Variants in IL20RA observed in about 807,000 individuals in gnomAD.
IL20RA encodes interleukin 20 receptor subunit alpha, also known as interleukin-20 receptor subunit alpha.
Under a neutral mutation model 36.5 loss-of-function variants are expected in IL20RA, and 29 were observed. That is an observed-to-expected ratio of 0.79 (90% CI 0.59 to 1.08). IL20RA has a LOEUF of 1.08. IL20RA is among the 50% of genes least tolerant of loss of function. The pLI is 0.00. For synonymous variants in IL20RA, 279 were observed against 267.1 expected, an observed-to-expected ratio of 1.04 and a Z score of -0.43; for missense variants, 652 against 668.4, an observed-to-expected ratio of 0.98 and a Z score of 0.27.
chr6:137,034,908 G>T (rs1395581790), intron 1 of IL20RA, among the ~76,000 whole-genome samples: 3 of 149,390 alleles, frequency 2.0e-5, no homozygotes, highest in Non-Finnish European at 4.4e-5. Flanking sequence ...TTGTGCCACT[G>T]CACTCCAGCC....
intron 1 of IL20RA, among the ~76,000 whole-genome samples, chr6:137,020,889 TCA>T (rs1436808106): frequency 6.6e-6 from 1 of 152,200 alleles, no homozygotes; most frequent in African/African-American, 2.4e-5. Flanking sequence ...AGAAAATGTT[TCA>T]GTTTTGGATC....
intron 5 of IL20RA, among the ~76,000 whole-genome samples, chr6:137,007,491 G>A (rs1775319969): frequency 6.6e-6 from 1 of 152,206 alleles, no homozygotes; most frequent in Admixed American, 6.6e-5. Flanking sequence ...CTCTAGACCA[G>A]CTGTTTGGAA....
In IL20RA at chr6:137,043,788, T is replaced by A. The variant is rs556272232; in HGVS notation, c.88+853A>T. On this transcript the variant is annotated intron_variant, in intron 1 of 6. Coordinates refer to ENST00000316649, the MANE Select transcript of IL20RA (RefSeq NM_014432.4). ...TTTGGAGAAGCTTTGTTGTTGTTTT[T>A]TAAAATAATTTTTTTAAAAAGGGAT... 3.3e-5 allele frequency among the ~76,000 whole-genome samples: 5 copies of A among 152,330 alleles called. No individual in the cohort carries two copies. The South Asian group carries it at 1.0e-3, about 32-fold the overall frequency.
intron 1 of IL20RA, among the ~76,000 whole-genome samples, chr6:137,036,963 T>G (rs892065623): frequency 6.6e-6 from 1 of 151,906 alleles, no homozygotes; most frequent in Non-Finnish European, 1.5e-5. Flanking sequence ...CCCTGCAAAG[T>G]TGGTAAGGAG....
intron 1 of IL20RA, among the ~76,000 whole-genome samples, chr6:137,020,322 A>T (rs1242009701): frequency 1.3e-5 from 2 of 152,238 alleles, no homozygotes; most frequent in African/African-American, 4.8e-5. Context: ...ACCTTCAGCC[A>T]AAACCACTTG....
chr6:137,007,022 C>T (rs546105315), intron 5 of IL20RA, among the ~76,000 whole-genome samples: 1 of 152,262 alleles, frequency 6.6e-6, no homozygotes, highest in South Asian at 2.1e-4. Flanking sequence ...TTGCACTTGG[C>T]CACTTTTTTC....
rs1775419834 is a variant in IL20RA, at chr6:137,009,843, A to G, written c.404-351T>C. Reference sequence around the variant, plus strand: ...CTTGTCTCGAACTCCTGATCCTGTGATCCGTCCACCTCGGCCTCCCAAAGT... The same window carrying G: ...CTTGTCTCGAACTCCTGATCCTGTGGTCCGTCCACCTCGGCCTCCCAAAGT... On this transcript the variant is annotated intron_variant, in intron 3 of 6. Coordinates refer to ENST00000316649, the MANE Select transcript of IL20RA (RefSeq NM_014432.4). 2.0e-5 allele frequency among the ~76,000 whole-genome samples: 3 copies of G among 151,972 alleles called. No individual in the cohort carries two copies. In the South Asian group the frequency reaches 6.2e-4, roughly 32 times the overall value.
chr6:137,038,703 C>T (rs975800829), intron 1 of IL20RA, among the ~76,000 whole-genome samples: 2 of 152,012 alleles, frequency 1.3e-5, no homozygotes, highest in African/African-American at 4.8e-5. Flanking sequence ...ATATATGCTG[C>T]CTGAAGCCTC....
intron 1 of IL20RA, among the ~76,000 whole-genome samples, chr6:137,042,001 C>G (rs988372087): frequency 2.6e-5 from 4 of 152,084 alleles, no homozygotes; most frequent in Non-Finnish European, 5.9e-5. Flanking sequence ...TGTGATGTTC[C>G]CCTCCCTGTG....
intron 1 of IL20RA, chr6:137,044,287 G>T: frequency 9.9e-7 from 1 of 1,005,966 alleles, no homozygotes; most frequent in Non-Finnish European, 1.2e-6. Context: ...CCGGCGAGGG[G>T]CCCCGCATGG....
chr6:137,021,544 T>C (rs1775907364), intron 1 of IL20RA, among the ~76,000 whole-genome samples: 1 of 147,658 alleles, frequency 6.8e-6, no homozygotes, highest in Non-Finnish European at 1.5e-5. Context: ...GCCGGCATGG[T>C]GGTGGGCACC....
intron 1 of IL20RA, among the ~76,000 whole-genome samples, chr6:137,041,359 T>G (rs1582844769): frequency 6.6e-6 from 1 of 152,240 alleles, no homozygotes; most frequent in Non-Finnish European, 1.5e-5. Context: ...AGTGTTAATT[T>G]CCTGGTCTGA....
intron 1 of IL20RA, 145 bp downstream of exon 1, chr6:137,044,496 G>A: frequency 1.1e-6 from 1 of 901,782 alleles, no homozygotes; most frequent in Non-Finnish European, 1.4e-6. Flanking sequence ...TGGAAGCTCC[G>A]GCCTCCGCGC....
chr6:137,044,592 C>G (rs897517844), intron 1 of IL20RA, 49 bp downstream of exon 1: 1 of 1,217,686 alleles, frequency 8.2e-7, no homozygotes, highest in African/African-American at 1.6e-5. Flanking sequence ...TGGCGGGGCC[C>G]CGGCCTGGAG....
In IL20RA at chr6:137,001,899, A is replaced by T; in HGVS notation, c.1321T>A (p.Leu441Met). 6.2e-7 allele frequency: 1 copy of T among 1,613,886 alleles called. No homozygotes were observed. Among genetic ancestry groups the T allele is most frequent in the South Asian group, 1.1e-5 (1 of 91,046 alleles). Residue 441 changes from leucine to methionine, a missense_variant, in exon 7 of 7, where the codon TTG becomes ATG. Physicochemically the swap from Leu to Met is conservative, Grantham distance 15 (BLOSUM62 2). Transcript: ENST00000316649. ...GAGTACTGTAACGTTTGCGGGCCCA[A>T]GACTGCCAACGCTGCCTGCGACTCC... is the stretch of plus-strand genomic sequence containing the variant. ...LLESQAALAV[L>M]GPQTLQYSYT...
chr6:137,017,051 G>A lies in IL20RA; in HGVS notation c.141C>T (p.Ser47=), dbSNP rs1775719208. The A allele has an allele frequency of 1.9e-6, 3 of 1,612,812 alleles. No individual in the cohort carries two copies. Among genetic ancestry groups the A allele is most frequent in the Non-Finnish European group, 1.7e-6 (2 of 1,178,822 alleles). ...LPKPANITFL[S]INMKNVLQWT... ...ATTGTAGGACATTCTTCATGTTGATGGATAAGAAGGTGATGTTTGCAGGTT... is the reference window on the plus strand; with the variant it reads ...ATTGTAGGACATTCTTCATGTTGATAGATAAGAAGGTGATGTTTGCAGGTT... The change falls in exon 2 of 7, where the codon TCC becomes TCT. Residue 47 remains serine, a synonymous_variant. Coordinates refer to ENST00000316649, the MANE Select transcript of IL20RA (RefSeq NM_014432.4).
intron 1 of IL20RA, among the ~76,000 whole-genome samples, chr6:137,018,791 G>C (rs974810465): frequency 3.9e-5 from 6 of 152,136 alleles, no homozygotes; most frequent in Non-Finnish European, 8.8e-5. Context: ...ACACTTCTCA[G>C]CTCTTCCAAA....
chr6:137,001,617 C>G lies in IL20RA; in HGVS notation c.1603G>C (p.Glu535Gln). 1 of 1,609,900 alleles carries G rather than the reference C, an allele frequency of 6.2e-7. No homozygotes were observed. The highest frequency in any genetic ancestry group is 8.5e-7 in the Non-Finnish European group (1 of 1,177,948). Residue 535 changes from glutamate to glutamine, a missense_variant, in exon 7 of 7, where the codon GAA becomes CAA. Coordinates refer to ENST00000316649, the MANE Select transcript of IL20RA (RefSeq NM_014432.4). ...PAPDRPPGEN[E>Q]TYLMQFMEEW... ...TCCATGAATTGCATGAGATAGGTTTCATTTTCTCCTGGTGGCCTGTCTGGA... is the reference window on the plus strand; with the variant it reads ...TCCATGAATTGCATGAGATAGGTTTGATTTTCTCCTGGTGGCCTGTCTGGA...
At chr6:137,038,707 A>C (rs1471488005) in intron 1 of IL20RA, among the ~76,000 whole-genome samples, 3 of 152,224 alleles carry the variant, frequency 2.0e-5, no homozygotes, top group African/African-American at 7.2e-5. Context: ...ATGCTGCCTG[A>C]AGCCTCAGAT....
Sources: allele counts gnomAD v4.1 joint callset (sites outside exome capture counted in the v4.1 genomes callset), GRCh38; gene constraint gnomAD v4.1.1; transcripts MANE v1.5; gene names NCBI Gene and HGNC (gene_info 2026-07-23, HGNC 2026-07-21).